Variants in PTPRE observed in about 807,000 individuals in gnomAD.
PTPRE encodes protein tyrosine phosphatase receptor type E, also known as receptor-type tyrosine-protein phosphatase epsilon.
A neutral mutation model predicts 102.0 loss-of-function variants in PTPRE; 51 were observed. The observed-to-expected ratio is 0.50, with a 90% CI of 0.40 to 0.63. The LOEUF (loss-of-function observed/expected upper bound fraction) is 0.63, where lower values mean the gene tolerates loss of function less well. PTPRE is among the 30% of genes least tolerant of loss of function. PTPRE has a pLI of 0.00. For missense variants in PTPRE, 752 were observed against 915.1 expected, an observed-to-expected ratio of 0.82 and a Z score of 2.30; for synonymous variants, 345 against 348.2, an observed-to-expected ratio of 0.99 and a Z score of 0.10.
At chr10:127,945,082 C>T (rs1178075663) in intron 1 of PTPRE, among the ~76,000 whole-genome samples, 1 of 152,148 alleles carries the variant, frequency 6.6e-6, no homozygotes, top group Non-Finnish European at 1.5e-5. Context: ...AAGCCTATCT[C>T]CTTCATTGGA....
Position 127,944,514 on chromosome 10 carries a change from G to A in PTPRE, c.-31+37205G>A, listed in dbSNP as rs138357806. On this transcript the variant is annotated intron_variant, in intron 1 of 20. Coordinates refer to ENST00000254667, the MANE Select transcript of PTPRE (RefSeq NM_006504.6). This position sits in a 1 kb window ranked among gnomAD's most constrained non-coding sequence, Gnocchi z 4.2. ...TGGATGGATGGATGGATGGATGGAT[G>A]GGTGGATGGATGGATAAATGGATGG... Among the ~76,000 whole-genome samples the A allele has an allele frequency of 2.4e-4, 13 of 53,362 alleles. No individual in the cohort carries two copies. The highest frequency in any genetic ancestry group is 3.5e-4 in the Non-Finnish European group (9 of 25,848). The allele number at this position is 53,362 out of a possible 152,430, so 35.0% of individuals were successfully genotyped here. A position where few individuals can be genotyped will look rare whatever the true frequency, so the allele number is the denominator to read the frequency against.
At chr10:128,080,035 T>C (rs541679267) in intron 20 of PTPRE, among the ~76,000 whole-genome samples, 24 of 152,352 alleles carry the variant, frequency 1.6e-4, no homozygotes, top group African/African-American at 4.6e-4. Context: ...CATACTCTTA[T>C]CAAGTTCAAA....
intron 6 of PTPRE, among the ~76,000 whole-genome samples, chr10:128,054,900 T>C (rs1483688091): frequency 6.6e-6 from 1 of 152,100 alleles, no homozygotes; most frequent in African/African-American, 2.4e-5. Context: ...CACATTCTCC[T>C]ACATTTGAAG....
intron 2 of PTPRE, among the ~76,000 whole-genome samples, chr10:128,010,916 G>T (rs886226730): frequency 1.3e-5 from 2 of 152,114 alleles, no homozygotes; most frequent in African/African-American, 4.8e-5. Flanking sequence ...TTAAACAGCT[G>T]GTAACCCATC....
chr10:128,007,837 T>C (rs1844621534), intron 2 of PTPRE, among the ~76,000 whole-genome samples: 1 of 152,228 alleles, frequency 6.6e-6, no homozygotes. Flanking sequence ...CATCATGCCC[T>C]GATCAGCATC....
chr10:127,948,352 C>A (rs935255783), intron 1 of PTPRE, among the ~76,000 whole-genome samples: 1 of 152,154 alleles, frequency 6.6e-6, no homozygotes, highest in Non-Finnish European at 1.5e-5. Flanking sequence ...CTCTCATTAT[C>A]CTACACGTCA....
intron 1 of PTPRE, among the ~76,000 whole-genome samples, chr10:127,960,018 A>G (rs925926086): frequency 1.3e-5 from 2 of 152,228 alleles, no homozygotes; most frequent in African/African-American, 4.8e-5. Flanking sequence ...TCTTTGGGGA[A>G]GCTAGGACAG....
chr10:127,962,751 T>C (rs1849927138), intron 1 of PTPRE, among the ~76,000 whole-genome samples: 1 of 152,096 alleles, frequency 6.6e-6, no homozygotes, highest in Non-Finnish European at 1.5e-5. Flanking sequence ...GAGGGAGCAG[T>C]GTCATTGGCA....
chr10:128,050,667 G>T (rs1848501558), intron 6 of PTPRE, among the ~76,000 whole-genome samples: 1 of 152,228 alleles, frequency 6.6e-6, no homozygotes, highest in Non-Finnish European at 1.5e-5. Context: ...AACTGGTCCT[G>T]GCTATGCCTG....
At position 128,082,207 on chromosome 10, in the gene PTPRE, T is replaced by C. The variant is rs1227813831; in HGVS notation, c.2029-625T>C. Among the ~76,000 whole-genome samples the C allele has an allele frequency of 1.6e-4, 21 of 129,018 alleles. 3 individuals carry two copies. In the East Asian group the frequency reaches 2.1e-3, roughly 13 times the overall value. The allele number at this position is 129,018 out of a possible 152,430, so 84.6% of individuals were successfully genotyped here. ...TTTTTTTCTCTTTCTTTTTTTTTTT[T>C]TTTTTTTTTTTTTTTTGAGACAGGG... On this transcript the variant is annotated intron_variant, in intron 20 of 20. Coordinates refer to ENST00000254667, the MANE Select transcript of PTPRE (RefSeq NM_006504.6).
chr10:127,982,374 A>G (rs947784685), intron 2 of PTPRE, 78 bp downstream of exon 2: 2 of 960,182 alleles, frequency 2.1e-6, no homozygotes, highest in African/African-American at 3.5e-5. Context: ...TTTAATTATT[A>G]GAAGAGCATT....
At chr10:128,037,957 A>ATTTTTTTTTTTTTTTT (rs34089996) in intron 2 of PTPRE, among the ~76,000 whole-genome samples, 9 of 115,956 alleles carry the variant, frequency 7.8e-5, no homozygotes, top group Non-Finnish European at 6.9e-5. Flanking sequence ...TGTCCGGCTA[A>ATTTTTTTTTTTTTTTT]TTTTTTTTTT....
intron 2 of PTPRE, among the ~76,000 whole-genome samples, chr10:128,040,044 C>G (rs1322615120): frequency 6.6e-6 from 1 of 152,190 alleles, no homozygotes; most frequent in Non-Finnish European, 1.5e-5. Context: ...CAATCTGGGT[C>G]TGCCCCTGGG....
chr10:128,077,636 A>T lies in PTPRE; in HGVS notation c.1745A>T (p.Glu582Val). Residue 582 changes from glutamate (E) to valine (V), a missense_variant, in exon 19 of 21, where the codon GAG (glutamate) becomes GTG (valine). Coordinates refer to ENST00000254667, the MANE Select transcript of PTPRE (RefSeq NM_006504.6). ...CTGCAGCCCCAGGCCCGCCAGGAGG[A>T]GCAGGTCCGAGTAGTGCGCCAGTTT... ...TLNQPQARQE[E>V]QVRVVRQFHF... 1 of 1,611,014 alleles carries T rather than the reference A, an allele frequency of 6.2e-7. No individual in the cohort carries two copies. The highest frequency in any genetic ancestry group is 8.5e-7 in the Non-Finnish European group (1 of 1,177,796).
chr10:128,038,772 G>A (rs376578703), intron 2 of PTPRE, among the ~76,000 whole-genome samples: 5 of 152,124 alleles, frequency 3.3e-5, no homozygotes, highest in African/African-American at 7.2e-5. Context: ...AAAACTGCAC[G>A]TTGTGCACAT....
intron 2 of PTPRE, among the ~76,000 whole-genome samples, chr10:128,025,040 T>G (rs1413400730): frequency 6.6e-6 from 1 of 151,246 alleles, no homozygotes; most frequent in African/African-American, 2.4e-5. Flanking sequence ...ATAACTGTAG[T>G]TCCAGCTACT....
At chr10:127,999,459 GC>G (rs1853646252) in intron 2 of PTPRE, 1 of 783,390 alleles carries the variant, frequency 1.3e-6, no homozygotes, top group Non-Finnish European at 1.5e-6. Flanking sequence ...CTCCCTGTGG[GC>G]TGTGAATCCA....
intron 1 of PTPRE, among the ~76,000 whole-genome samples, chr10:127,931,308 T>C (rs377512399): frequency 8.3e-4 from 126 of 152,330 alleles, no homozygotes; most frequent in African/African-American, 2.6e-3. Context: ...TATTTTATTG[T>C]ATGCAATTAA....
intron 1 of PTPRE, among the ~76,000 whole-genome samples, chr10:127,960,503 C>G (rs950336231): frequency 3.9e-5 from 6 of 152,224 alleles, no homozygotes; most frequent in African/African-American, 1.4e-4. Flanking sequence ...GCACTCAGCT[C>G]TGGCAGCCGT....
Sources: allele counts gnomAD v4.1 joint callset (sites outside exome capture counted in the v4.1 genomes callset), GRCh38; gene constraint gnomAD v4.1.1; non-coding constraint Gnocchi (gnomAD v3.1); transcripts MANE v1.5; gene names NCBI Gene and HGNC (gene_info 2026-07-23, HGNC 2026-07-21).